Variants in GLOD4 observed in about 807,000 individuals in gnomAD.
GLOD4 encodes the protein glyoxalase domain-containing protein 4.
In GLOD4, 44 loss-of-function variants were observed where a neutral mutation model predicts 39.1. The ratio of observed to expected loss-of-function variants is 1.13; its 90% CI spans 0.88 to 1.45. GLOD4 has a LOEUF of 1.45. Ranked by LOEUF, GLOD4 falls within the 40% of genes most tolerant of loss-of-function variation. GLOD4 has a pLI of 0.00. For missense variants in GLOD4, 405 were observed against 366.4 expected, an observed-to-expected ratio of 1.11 and a Z score of -0.86; for synonymous variants, 145 against 135.0, an observed-to-expected ratio of 1.07 and a Z score of -0.52.
chr17:766,852 T>C (rs1204702226), intron 8 of GLOD4, among the ~76,000 whole-genome samples: 1 of 152,156 alleles, frequency 6.6e-6, no homozygotes, highest in African/African-American at 2.4e-5. Flanking sequence ...TGAGGCAAGA[T>C]TGCACCATTG....
chr17:762,717 G>T (rs1004168277), intron 8 of GLOD4, among the ~76,000 whole-genome samples: 3 of 151,860 alleles, frequency 2.0e-5, no homozygotes, highest in African/African-American at 7.3e-5. Flanking sequence ...CTCAGTGCGT[G>T]ATCTTCAGGG....
At chr17:770,980 G>A (rs1907857555) in intron 5 of GLOD4, 1 of 207,146 alleles carries the variant, frequency 4.8e-6, no homozygotes, top group South Asian at 9.5e-5. Context: ...ATAATTCCTA[G>A]GAGTAGAATT....
upstream of GLOD4, chr17:782,618 A>C (rs151160206): frequency 4.3e-5 from 70 of 1,613,844 alleles, no homozygotes; most frequent in African/African-American, 8.8e-4. Flanking sequence ...AGGAGTCCGC[A>C]TCCCGCGCTC....
intron 4 of GLOD4, among the ~76,000 whole-genome samples, chr17:772,501 A>G (rs1338477992): frequency 2.0e-5 from 3 of 152,160 alleles, no homozygotes; most frequent in African/African-American, 7.2e-5. Context: ...CTAGACAACA[A>G]CCAAGAAAAG....
intron 3 of GLOD4, among the ~76,000 whole-genome samples, chr17:776,555 C>T (rs193058978): frequency 2.6e-5 from 4 of 152,270 alleles, no homozygotes; most frequent in Non-Finnish European, 5.9e-5. Context: ...GCCTAGGAGG[C>T]CCCCTGCAGT....
At chr17:783,004 A>G, upstream of GLOD4, 1 of 1,524,200 alleles carries the variant, frequency 6.6e-7, no homozygotes, top group East Asian at 2.3e-5. Flanking sequence ...GTAGCTCTTT[A>G]TTTCTGTTAC....
intron 4 of GLOD4, among the ~76,000 whole-genome samples, chr17:772,791 A>C (rs590746): frequency 1.6e-4 from 24 of 152,158 alleles, no homozygotes; most frequent in East Asian, 9.7e-4. Flanking sequence ...GTCAGGAGAT[A>C]GAGACCATCC....
At chr17:771,599 G>A (rs1196747887) in intron 4 of GLOD4, 138 bp from the exon 5 acceptor site, 5 of 511,458 alleles carry the variant, frequency 9.8e-6, no homozygotes, top group East Asian at 3.4e-5. Flanking sequence ...TGGGTGCAGC[G>A]GCCCATGCCT....
chr17:776,833 C>G (rs963453983), intron 3 of GLOD4, 35 bp downstream of exon 3: 6 of 1,574,796 alleles, frequency 3.8e-6, no homozygotes, highest in South Asian at 1.1e-5. Flanking sequence ...CACCTACCCC[C>G]AGCCAAAACT....
intron 4 of GLOD4, 104 bp downstream of exon 4, chr17:775,670 CG>C: frequency 1.1e-6 from 1 of 880,440 alleles, no homozygotes; most frequent in East Asian, 2.4e-5. Flanking sequence ...GGGGAAGACA[CG>C]TCACGTGAAC....
At chr17:768,434 G>T (rs187853335) in intron 8 of GLOD4, among the ~76,000 whole-genome samples, 92 of 143,056 alleles carry the variant, frequency 6.4e-4, no homozygotes, top group African/African-American at 2.2e-3. Flanking sequence ...AAGAAATCTG[G>T]AGAGGACATA....
intron 1 of GLOD4, 84 bp downstream of exon 1, chr17:782,081 AC>A: frequency 1.1e-6 from 1 of 948,920 alleles, no homozygotes; most frequent in Non-Finnish European, 1.6e-6. Context: ...TTCACGACAC[AC>A]CCATTTTCCC....
chr17:769,308 A>G (rs1907457541), intron 8 of GLOD4, among the ~76,000 whole-genome samples: 1 of 147,262 alleles, frequency 6.8e-6, no homozygotes, highest in South Asian at 2.2e-4. Flanking sequence ...AGGCATCTCC[A>G]TGGCAAGAGC....
chr17:784,571 G>A (rs67349310), upstream of GLOD4, among the ~76,000 whole-genome samples: 18,199 of 151,460 alleles, frequency 0.12, 1,442 homozygotes, highest in Middle Eastern at 0.2. Context: ...CTTGGGGCAG[G>A]TGTGCTTACA....
intron 3 of GLOD4, 138 bp from the exon 4 acceptor site, chr17:776,057 T>G: frequency 1.6e-6 from 1 of 642,076 alleles, no homozygotes; most frequent in Non-Finnish European, 2.7e-6. Context: ...CATTTTCTTC[T>G]AGTGATTTAA....
intron 2 of GLOD4, chr17:778,286 G>C (rs1597588046): frequency 3.3e-6 from 1 of 307,180 alleles, no homozygotes; most frequent in East Asian, 5.3e-5. Context: ...ACTGTGACCG[G>C]CGCCTGACGT....
chr17:782,945 C>T, upstream of GLOD4: 2 of 1,293,264 alleles, frequency 1.5e-6, no homozygotes, highest in South Asian at 1.5e-5. Flanking sequence ...GCCTCGGCCT[C>T]CCAATGTGCT....
At chr17:782,643 G>C, upstream of GLOD4, 1 of 1,613,386 alleles carries the variant, frequency 6.2e-7, no homozygotes. Context: ...CACCTGGGAA[G>C]AGTCTGGGCT....
chr17:775,670 C>T (rs781614495), intron 4 of GLOD4, 105 bp downstream of exon 4: 7 of 880,438 alleles, frequency 8.0e-6, no homozygotes, highest in Admixed American at 6.6e-5. Flanking sequence ...GGGGAAGACA[C>T]GTCACGTGAA....
Sources: allele counts gnomAD v4.1 joint callset (sites outside exome capture counted in the v4.1 genomes callset), GRCh38; gene constraint gnomAD v4.1.1; transcripts MANE v1.5; gene names NCBI Gene and HGNC (gene_info 2026-07-23, HGNC 2026-07-21).